Variants in AGTPBP1 observed in about 807,000 individuals in gnomAD.
The protein encoded by AGTPBP1 is ATP/GTP binding carboxypeptidase 1, also known as cytosolic carboxypeptidase 1.
A neutral mutation model predicts 143.9 loss-of-function variants in AGTPBP1; 70 were observed. The observed-to-expected ratio is 0.49, with a 90% CI of 0.40 to 0.59. AGTPBP1 has a LOEUF of 0.59. Among genes scored for constraint, AGTPBP1 ranks in the 20% least tolerant of loss-of-function variants. The probability of loss-of-function intolerance (pLI) is 0.00; values close to 1 mark genes in which losing one functional copy is unlikely to be tolerated. For synonymous variants in AGTPBP1, 463 were observed against 500.2 expected, an observed-to-expected ratio of 0.93 and a Z score of 0.99; for missense variants, 1,229 against 1,464.5, an observed-to-expected ratio of 0.84 and a Z score of 2.62.
the AGTPBP1 span, among the ~76,000 whole-genome samples, chr9:85,801,914 T>C: frequency 2.6e-5 from 4 of 152,210 alleles, no homozygotes; most frequent in Non-Finnish European, 4.4e-5. Context: ...ACTCTTGCGG[T>C]AATTCTTTGT....
At chr9:85,638,268 C>G (rs1360534473) in intron 13 of AGTPBP1, among the ~76,000 whole-genome samples, 1 of 151,896 alleles carries the variant, frequency 6.6e-6, no homozygotes, top group Non-Finnish European at 1.5e-5. Flanking sequence ...TCTAGAGTAA[C>G]TAGAATTTTT....
intron 1 of AGTPBP1, among the ~76,000 whole-genome samples, chr9:85,739,027 T>C (rs1824030551): frequency 6.6e-6 from 1 of 152,170 alleles, no homozygotes; most frequent in Non-Finnish European, 1.5e-5. Flanking sequence ...ACTAATATTA[T>C]GTCATTTTTG....
chr9:85,628,527 C>A lies in AGTPBP1; in HGVS notation c.2015+4135G>T, dbSNP rs1406776622. 2.0e-5 allele frequency among the ~76,000 whole-genome samples: 3 copies of A among 152,200 alleles called. No homozygotes were observed. The South Asian group carries it at 6.2e-4, about 32-fold the overall frequency. On this transcript the variant is annotated intron_variant, in intron 14 of 25. Coordinates refer to ENST00000357081, the MANE Select transcript of AGTPBP1 (RefSeq NM_001330701.2). ...ATTTCTGCAGCAACAAATCAGAACA[C>A]ATCTCCATCAAGGTCGTGAAAATCA...
At chr9:85,803,715 T>C in the AGTPBP1 span, among the ~76,000 whole-genome samples, 4 of 152,214 alleles carry the variant, frequency 2.6e-5, no homozygotes, top group African/African-American at 9.6e-5. Flanking sequence ...AGCTCAGTCC[T>C]CTTTCCCATA....
chr9:85,754,460 G>A, the AGTPBP1 span, among the ~76,000 whole-genome samples: 1 of 152,146 alleles, frequency 6.6e-6, no homozygotes, highest in African/African-American at 2.4e-5. Context: ...GGGATTACAG[G>A]TGTGAGCCAC....
chr9:85,697,384 T>C (rs1202655124), intron 2 of AGTPBP1, among the ~76,000 whole-genome samples: 1 of 117,904 alleles, frequency 8.5e-6, no homozygotes, highest in African/African-American at 4.4e-5. Flanking sequence ...AGTGGGTTTA[T>C]TATTTTTTAA....
intron 9 of AGTPBP1, among the ~76,000 whole-genome samples, chr9:85,660,082 TA>T (rs1233930342): frequency 2.6e-5 from 4 of 151,572 alleles, no homozygotes; most frequent in African/African-American, 4.8e-5. Flanking sequence ...TATTTGCTAT[TA>T]TTTAAAAAAA....
intron 13 of AGTPBP1, among the ~76,000 whole-genome samples, chr9:85,635,041 C>G (rs1831947334): frequency 6.6e-6 from 1 of 152,144 alleles, no homozygotes; most frequent in East Asian, 1.9e-4. Context: ...GAAGCAAACA[C>G]TTTTCTATAC....
At chr9:85,577,198 G>C (rs537106879) in intron 24 of AGTPBP1, among the ~76,000 whole-genome samples, 2 of 152,244 alleles carry the variant, frequency 1.3e-5, no homozygotes, top group African/African-American at 4.8e-5. Flanking sequence ...GATGATTTCA[G>C]GGGCATCCAA....
intron 6 of AGTPBP1, 128 bp downstream of exon 6, chr9:85,677,308 C>T (rs1213684438): frequency 4.8e-6 from 4 of 836,670 alleles, no homozygotes; most frequent in Non-Finnish European, 3.6e-6. Context: ...TAAACATGTA[C>T]AATTATTGTG....
intron 25 of AGTPBP1, among the ~76,000 whole-genome samples, chr9:85,556,198 A>G (rs562233555): frequency 6.6e-6 from 1 of 152,298 alleles, no homozygotes; most frequent in South Asian, 2.1e-4. Context: ...ATATATGACA[A>G]TAACACAAAA....
At chr9:85,671,346 C>G (rs11141060) in intron 7 of AGTPBP1, among the ~76,000 whole-genome samples, 3,102 of 152,020 alleles carry the variant, frequency 0.02, 97 homozygotes, top group African/African-American at 0.064. Context: ...CATTTCTTGA[C>G]TTTACTGGTG....
chr9:85,620,160 C>T (rs1564070767), intron 15 of AGTPBP1, among the ~76,000 whole-genome samples: 2 of 151,978 alleles, frequency 1.3e-5, no homozygotes, highest in South Asian at 2.1e-4. Context: ...CTTGTAATCC[C>T]GGTACTTTGA....
intron 11 of AGTPBP1, among the ~76,000 whole-genome samples, chr9:85,648,393 T>C (rs941352331): frequency 3.3e-5 from 5 of 152,146 alleles, no homozygotes; most frequent in Admixed American, 6.5e-5. Context: ...AAAATAAATA[T>C]TCATATTTCA....
intron 2 of AGTPBP1, among the ~76,000 whole-genome samples, chr9:85,706,996 A>G (rs1837057298): frequency 6.6e-6 from 1 of 152,210 alleles, no homozygotes; most frequent in Admixed American, 6.5e-5. Context: ...TGCTTTAAAT[A>G]TAAAGATAGA....
chr9:85,703,693 T>C (rs940533377), intron 2 of AGTPBP1, among the ~76,000 whole-genome samples: 10 of 152,184 alleles, frequency 6.6e-5, no homozygotes, highest in Non-Finnish European at 1.3e-4. Flanking sequence ...AACTTCCAGG[T>C]AGCAATACTT....
intron 9 of AGTPBP1, 110 bp downstream of exon 9, chr9:85,660,826 T>C (rs906424022): frequency 1.9e-5 from 16 of 856,112 alleles, no homozygotes; most frequent in Non-Finnish European, 2.3e-5. Flanking sequence ...TAGAATATTA[T>C]AAACCAGCTT....
the AGTPBP1 span, among the ~76,000 whole-genome samples, chr9:85,747,421 G>A: frequency 6.6e-6 from 1 of 152,152 alleles, no homozygotes; most frequent in Non-Finnish European, 1.5e-5. Context: ...AAGGCCATTG[G>A]AATTTTGATA....
At position 85,646,210 on chromosome 9, in the gene AGTPBP1, T is replaced by A; in HGVS notation, c.1185+111A>T. 8.6e-6 allele frequency: 6 copies of A among 695,088 alleles called. 1 individual carries two copies. Among genetic ancestry groups the A allele is most frequent in the Non-Finnish European group, 1.5e-5 (6 of 413,342 alleles). 43.1% of individuals were successfully genotyped at this position (695,088 alleles called of 1,614,324 possible). On this transcript the variant is annotated intron_variant, in intron 12 of 25. Transcript: ENST00000357081. ...TGCATAGTCATTCATGGTAAAAAGA[T>A]GTGGACAAAGTAAAACCTAAAATTA...
Sources: allele counts gnomAD v4.1 joint callset (sites outside exome capture counted in the v4.1 genomes callset), GRCh38; gene constraint gnomAD v4.1.1; transcripts MANE v1.5; gene names NCBI Gene and HGNC (gene_info 2026-07-23, HGNC 2026-07-21).